Variants in CCDC32 observed in about 807,000 individuals in gnomAD.
CCDC32 encodes the protein coiled-coil domain containing 32.
A neutral mutation model predicts 20.1 loss-of-function variants in CCDC32; 9 were observed. The ratio of observed to expected loss-of-function variants is 0.45; its 90% CI spans 0.27 to 0.78. The LOEUF (loss-of-function observed/expected upper bound fraction) is 0.78. CCDC32 is among the 30% of genes least tolerant of loss of function. The pLI, the probability that CCDC32 is intolerant of heterozygous loss-of-function variation, is 0.16. For synonymous variants in CCDC32, 63 were observed against 79.0 expected (o/e 0.80, Z 1.07); for missense variants, 204 against 215.5 (o/e 0.95, Z 0.33).
downstream of CCDC32, among the ~76,000 whole-genome samples, chr15:40,533,582 A>G (rs931029017): frequency 6.6e-6 from 1 of 152,050 alleles, no homozygotes; most frequent in Non-Finnish European, 1.5e-5. Context: ...CTGACCTTGT[A>G]ATCCACCCAC....
At chr15:40,529,713 G>C (rs1888819331) in intron 3 of CCDC32, 1 of 146,740 alleles carries the variant, frequency 6.8e-6, no homozygotes, top group African/African-American at 2.5e-5. Context: ...CCAGGCTGGA[G>C]TGCAGTGGCG....
At chr15:40,551,921 G>A (rs1406846076), downstream of CCDC32, among the ~76,000 whole-genome samples, 1 of 151,988 alleles carries the variant, frequency 6.6e-6, no homozygotes, top group Non-Finnish European at 1.5e-5. Flanking sequence ...GAGAGGCCAA[G>A]GTGGAAGGAT....
intron 3 of CCDC32, 143 bp downstream of exon 3, chr15:40,557,073 T>C (rs946600388): frequency 2.3e-5 from 20 of 881,320 alleles, no homozygotes; most frequent in African/African-American, 3.4e-5. Context: ...CTTAACTCTA[T>C]TCAATCTGTG....
chr15:40,522,169 G>T, the CCDC32 span, among the ~76,000 whole-genome samples: 2 of 152,092 alleles, frequency 1.3e-5, no homozygotes, highest in East Asian at 1.9e-4. Flanking sequence ...TCATTCCTTT[G>T]CAGTTGTATA....
chr15:40,554,053 A>T lies in CCDC32; in HGVS notation c.476T>A (p.Ile159Asn). The T allele has an allele frequency of 6.2e-7, 1 of 1,613,810 alleles. No individual in the cohort carries two copies. The highest frequency in any genetic ancestry group is 8.5e-7 in the Non-Finnish European group (1 of 1,179,982). Residue 159 changes from isoleucine (I) to asparagine (N), a missense_variant, in exon 4 of 4, where the codon ATT (isoleucine) becomes AAT (asparagine). Transcript: ENST00000416810. ...AVSTEEVQYL[I>N]PPESQVEKPV... ...CTTCTCAACCTGTGACTCTGGAGGA[A>T]TCAGATACTGGACCTCCTCTGTGCT...
At chr15:40,525,107 C>T (rs748290507), downstream of CCDC32, among the ~76,000 whole-genome samples, 1 of 151,530 alleles carries the variant, frequency 6.6e-6, no homozygotes, top group Non-Finnish European at 1.5e-5. Flanking sequence ...CTCAACTCAC[C>T]GCAACCTCTG....
intron 3 of CCDC32, among the ~76,000 whole-genome samples, chr15:40,539,880 A>ACACACACACACC (rs769226221): frequency 1.1e-4 from 15 of 139,138 alleles, no homozygotes; most frequent in East Asian, 4.1e-4. Context: ...ACACACACAC[A>ACACACACACACC]CCCCGCTCCT....
downstream of CCDC32, among the ~76,000 whole-genome samples, chr15:40,525,629 A>G (rs1389156154): frequency 6.6e-6 from 1 of 152,108 alleles, no homozygotes; most frequent in African/African-American, 2.4e-5. Flanking sequence ...GTGTCCTCTT[A>G]CCCAGACCTC....
chr15:40,554,136 G>C lies in CCDC32; in HGVS notation c.402-9C>G, dbSNP rs1319973161. The C allele has an allele frequency of 6.2e-7, 1 of 1,609,518 alleles. No individual in the cohort carries two copies. The highest frequency in any genetic ancestry group is 1.3e-5 in the African/African-American group (1 of 74,816). ...TGAAATGTTCCAAGGTGCTATGAAA[G>C]GGCAGAATAAAAGGGTGGCTGTGTC... On this transcript the variant is annotated splice_polypyrimidine_tract_variant and intron_variant, in intron 3 of 3. Transcript: ENST00000416810.
chr15:40,548,682 A>T (rs1294591597), downstream of CCDC32, among the ~76,000 whole-genome samples: 1 of 151,174 alleles, frequency 6.6e-6, no homozygotes. Flanking sequence ...GGGCTTCTCT[A>T]CCTCTCTGTG....
In CCDC32 at chr15:40,542,360, C is replaced by A. The variant is rs558321822; in HGVS notation, c.402-3005G>T. 7.2e-5 allele frequency among the ~76,000 whole-genome samples: 11 copies of A among 152,310 alleles called. No individual in the cohort carries two copies. In the East Asian group the frequency reaches 2.1e-3, roughly 29 times the overall value. ...ACCGGGTCTCTCTTAAATCTCTTTT[C>A]TATGGAAAACAATCTTATTGTCTTG... On this transcript the variant is annotated intron_variant, in intron 3 of 3. Coordinates refer to the CCDC32 transcript ENST00000558113.
At chr15:40,524,940 T>C (rs1398607692), downstream of CCDC32, among the ~76,000 whole-genome samples, 1 of 151,766 alleles carries the variant, frequency 6.6e-6, no homozygotes. Flanking sequence ...TTGCCCAGGC[T>C]GGTCTCCCAA....
At chr15:40,560,149 A>G (rs1032880354) in intron 2 of CCDC32, among the ~76,000 whole-genome samples, 3 of 152,164 alleles carry the variant, frequency 2.0e-5, no homozygotes, top group African/African-American at 7.2e-5. Flanking sequence ...AGCTGGGACT[A>G]TAGGTGTGCG....
chr15:40,522,983 C>A, the CCDC32 span, among the ~76,000 whole-genome samples: 1 of 151,742 alleles, frequency 6.6e-6, no homozygotes, highest in Non-Finnish European at 1.5e-5. Flanking sequence ...TATGCCACCA[C>A]GCCTGGCTAA....
At chr15:40,557,447 A>G (rs1890324444) in intron 2 of CCDC32, 75 bp from the exon 3 acceptor site, 1 of 1,468,572 alleles carries the variant, frequency 6.8e-7, no homozygotes, top group Admixed American at 2.3e-5. Context: ...AACTCAAAAT[A>G]CTAACTTAAA....
intron 3 of CCDC32, among the ~76,000 whole-genome samples, chr15:40,547,548 A>T (rs1286376344): frequency 1.3e-5 from 2 of 152,164 alleles, no homozygotes; most frequent in African/African-American, 4.8e-5. Flanking sequence ...AGCCCAGGAC[A>T]GTTTCCTGCT....
downstream of CCDC32, chr15:40,534,644 A>C (rs1391319796): frequency 4.7e-6 from 2 of 425,540 alleles, no homozygotes; most frequent in Non-Finnish European, 8.6e-6. Context: ...TTGGATTGGG[A>C]CACAGCCAAA....
intron 3 of CCDC32, among the ~76,000 whole-genome samples, chr15:40,541,139 A>G (rs1889374495): frequency 6.6e-6 from 1 of 152,166 alleles, no homozygotes; most frequent in Non-Finnish European, 1.5e-5. Context: ...GCTGCAGCGG[A>G]TGCTTCTGGT....
intron 2 of CCDC32, among the ~76,000 whole-genome samples, chr15:40,559,121 C>T (rs1890453499): frequency 1.3e-5 from 2 of 152,122 alleles, no homozygotes; most frequent in Non-Finnish European, 2.9e-5. Flanking sequence ...AGGTCTTGCT[C>T]TGTCACCCAG....
Sources: allele counts gnomAD v4.1 joint callset (sites outside exome capture counted in the v4.1 genomes callset), GRCh38; gene constraint gnomAD v4.1.1; transcripts MANE v1.5; gene names NCBI Gene and HGNC (gene_info 2026-07-23, HGNC 2026-07-21).